USPL1: variants seen among roughly 807,000 people sequenced by gnomAD.
USPL1 encodes the protein ubiquitin specific peptidase like 1.
A neutral mutation model predicts 51.5 loss-of-function variants in USPL1; 27 were observed. That is an observed-to-expected ratio of 0.52 (90% CI 0.39 to 0.72). The LOEUF is 0.72. Among genes scored for constraint, USPL1 ranks in the 30% least tolerant of loss-of-function variants. USPL1 has a pLI of 0.00. For synonymous variants in USPL1, 451 were observed against 459.6 expected (o/e 0.98, Z 0.24); for missense variants, 1,226 against 1,268.0 (o/e 0.97, Z 0.50).
chr13:30,619,502 T>G (rs1950619998), intron 1 of USPL1, among the ~76,000 whole-genome samples: 1 of 152,198 alleles, frequency 6.6e-6, no homozygotes, highest in South Asian at 2.1e-4. Context: ...GAAATTTTCA[T>G]CAAAAACAGT....
intron 3 of USPL1, among the ~76,000 whole-genome samples, chr13:30,628,938 T>C (rs777846589): frequency 5.9e-5 from 9 of 152,176 alleles, no homozygotes; most frequent in African/African-American, 9.7e-5. Context: ...ATATATGCTA[T>C]TTTTAAAGGA....
chr13:30,642,601 C>T (rs1198025742), intron 5 of USPL1, 27 bp from the exon 6 acceptor site: 3 of 1,594,518 alleles, frequency 1.9e-6, no homozygotes. Flanking sequence ...TGATTATGAG[C>T]AGTAATTCTT....
chr13:30,648,669 T>C (rs2137696261), intron 7 of USPL1, among the ~76,000 whole-genome samples: 1 of 152,362 alleles, frequency 6.6e-6, no homozygotes, highest in South Asian at 2.1e-4. Flanking sequence ...TTTGACTTCT[T>C]ATTTGCTTAT....
chr13:30,647,095 G>A, intron 7 of USPL1, 38 bp downstream of exon 7: 1 of 1,574,524 alleles, frequency 6.4e-7, no homozygotes, highest in Non-Finnish European at 8.7e-7. Flanking sequence ...AGTACAAAAT[G>A]AAGGTGGATT....
intron 8 of USPL1, among the ~76,000 whole-genome samples, 158 bp downstream of exon 8, chr13:30,653,463 A>G (rs1392841995): frequency 6.6e-6 from 1 of 152,082 alleles, no homozygotes; most frequent in Non-Finnish European, 1.5e-5. Context: ...CCTCGCATCT[A>G]TTAAAAGTGA....
At chr13:30,636,068 TTG>T (rs1392265445) in intron 4 of USPL1, among the ~76,000 whole-genome samples, 1 of 152,184 alleles carries the variant, frequency 6.6e-6, no homozygotes, top group Non-Finnish European at 1.5e-5. Context: ...CTGAACTTTT[TTG>T]TGTGTGTCAG....
chr13:30,658,059 C>T lies in USPL1; in HGVS notation c.1982C>T (p.Thr661Ile), dbSNP rs373982539. 2 of 1,612,914 alleles carry T rather than the reference C, an allele frequency of 1.2e-6. No homozygotes were observed. The highest frequency in any genetic ancestry group is 1.7e-5 in the Admixed American group (1 of 59,860). Reference protein sequence around the residue: ...DISFPSQVVNTNMQSVQLNTE... With the variant: ...DISFPSQVVNINMQSVQLNTE... ...AGTTTTCCATCCCAAGTTGTAAATA[C>T]AAACATGCAGTCAGTACAGCTGAAT... The change falls in exon 9 of 9, where the codon ACA becomes ATA. Residue 661 changes from threonine to isoleucine, a missense_variant. Transcript: ENST00000255304.
Position 30,652,606 on chromosome 13 carries a change from T to G in USPL1, c.1239-542T>G, listed in dbSNP as rs565175751. ...AATATGTTGTATTTTTTTCTCTACT[T>G]AGTTACAAATTGAACTTTTCCTAAG... On this transcript the variant is annotated intron_variant, in intron 7 of 8. Coordinates refer to ENST00000255304, the MANE Select transcript of USPL1 (RefSeq NM_005800.5). Among the ~76,000 whole-genome samples, 11 of 152,366 alleles carry G rather than the reference T, an allele frequency of 7.2e-5. No homozygotes were observed. In the Middle Eastern group the frequency reaches 0.01, roughly 141 times the overall value.
At chr13:30,654,238 A>G (rs1219969114) in intron 8 of USPL1, among the ~76,000 whole-genome samples, 1 of 152,172 alleles carries the variant, frequency 6.6e-6, no homozygotes, top group African/African-American at 2.4e-5. Flanking sequence ...TGCAGGCTGT[A>G]CCCTAGACCA....
At chr13:30,653,059 T>C (rs1285250734) in intron 7 of USPL1, 89 bp from the exon 8 acceptor site, 19 of 1,322,480 alleles carry the variant, frequency 1.4e-5, no homozygotes, top group Non-Finnish European at 1.8e-5. Context: ...GGAAGTGTTA[T>C]GTGTGACTAG....
At chr13:30,638,951 C>T (rs923786558) in intron 5 of USPL1, among the ~76,000 whole-genome samples, 1 of 150,984 alleles carries the variant, frequency 6.6e-6, no homozygotes, top group African/African-American at 2.4e-5. Context: ...GGCTTGGTGG[C>T]TCATGCTTGT....
intron 5 of USPL1, among the ~76,000 whole-genome samples, chr13:30,641,752 CCAAA>C (rs1950950400): frequency 6.6e-6 from 1 of 152,168 alleles, no homozygotes; most frequent in Non-Finnish European, 1.5e-5. Flanking sequence ...GATGAAGAGT[CCAAA>C]GAGTTGAGGC....
At chr13:30,631,645 C>T (rs1032958272) in intron 4 of USPL1, among the ~76,000 whole-genome samples, 171 bp downstream of exon 4, 21 of 152,120 alleles carry the variant, frequency 1.4e-4, no homozygotes, top group African/African-American at 4.8e-4. Context: ...GAACTACAGT[C>T]GTGCACCACC....
chr13:30,647,074 T>A lies in USPL1; in HGVS notation c.1238+17T>A. 6.3e-7 allele frequency: 1 copy of A among 1,594,058 alleles called. No individual in the cohort carries two copies. Among genetic ancestry groups the A allele is most frequent in the Non-Finnish European group, 8.6e-7 (1 of 1,163,112 alleles). ...ATTAGAAAAGTGAGTTAAAATTGTC[T>A]TATAATTTTTAGTACAAAATGAAGG... On this transcript the variant is annotated intron_variant, in intron 7 of 8. Coordinates refer to ENST00000255304, the MANE Select transcript of USPL1 (RefSeq NM_005800.5).
chr13:30,628,935 C>G (rs1950760549), intron 3 of USPL1, among the ~76,000 whole-genome samples: 1 of 152,012 alleles, frequency 6.6e-6, no homozygotes, highest in African/African-American at 2.4e-5. Context: ...TACATATATG[C>G]TATTTTTAAA....
At chr13:30,626,515 T>C (rs1410928520) in intron 3 of USPL1, among the ~76,000 whole-genome samples, 2 of 152,200 alleles carry the variant, frequency 1.3e-5, no homozygotes, top group African/African-American at 4.8e-5. Context: ...ACAGACTATG[T>C]AGCTCATAAA....
chr13:30,629,949 A>C (rs921521076), intron 3 of USPL1, among the ~76,000 whole-genome samples: 1 of 151,916 alleles, frequency 6.6e-6, no homozygotes, highest in African/African-American at 2.4e-5. Context: ...TGTGTAAAAG[A>C]AGGCATTAAT....
chr13:30,619,051 A>C (rs1278997577), intron 1 of USPL1, among the ~76,000 whole-genome samples: 2 of 152,224 alleles, frequency 1.3e-5, no homozygotes, highest in Non-Finnish European at 2.9e-5. Flanking sequence ...AATAGGGAAC[A>C]ACTCAAGACT....
rs530159932 is a variant in USPL1, at chr13:30,659,619, C to T, written c.*263C>T. The T allele has an allele frequency of 8.8e-5, 29 of 328,304 alleles. No individual in the cohort carries two copies. The East Asian group carries it at 9.3e-4, about 11-fold the overall frequency. The allele number at this position is 328,304 out of a possible 1,614,324, so 20.3% of individuals were successfully genotyped here. ...TCAAAATGTTAAAGATGAAAAGTGG[C>T]GTCTAGTTTCTGACAGTTTGTACAG... On this transcript the variant is annotated 3_prime_UTR_variant, in exon 9 of 9. Transcript: ENST00000255304.
Sources: gnomAD v4.1 joint callset for allele counts (sites outside exome capture counted in the v4.1 genomes callset) on GRCh38, gnomAD v4.1.1 for gene constraint, MANE v1.5 for transcripts, NCBI Gene and HGNC (gene_info 2026-07-23, HGNC 2026-07-21) for gene names.